Variants in PSMA4 observed in about 807,000 individuals in gnomAD.
PSMA4 encodes the protein proteasome 20S subunit alpha 4.
Under a neutral mutation model 37.2 loss-of-function variants are expected in PSMA4, and 8 were observed. The observed-to-expected ratio is 0.22, with a 90% CI of 0.13 to 0.39. The LOEUF is 0.39. Ranked by LOEUF, PSMA4 falls within the 10% of genes least tolerant of loss-of-function variation. The pLI is 1.00. For synonymous variants in PSMA4, 93 were observed against 98.8 expected, an observed-to-expected ratio of 0.94 and a Z score of 0.35; for missense variants, 169 against 305.1, an observed-to-expected ratio of 0.55 and a Z score of 3.32.
chr15:78,545,872 T>TA, intron 7 of PSMA4, 108 bp downstream of exon 7: 1 of 1,168,106 alleles, frequency 8.6e-7, no homozygotes, highest in Non-Finnish European at 1.2e-6. Context: ...GCAACAACCT[T>TA]AATGTGATAT....
chr15:78,543,041 C>T (rs2052482898), intron 4 of PSMA4, among the ~76,000 whole-genome samples: 1 of 152,096 alleles, frequency 6.6e-6, no homozygotes, highest in Admixed American at 6.6e-5. Context: ...ATTTAGTAGG[C>T]CCTCAAAGTA....
intron 1 of PSMA4, chr15:78,541,669 C>T (rs1157580116): frequency 8.1e-6 from 4 of 493,744 alleles, no homozygotes; most frequent in African/African-American, 6.1e-5. Flanking sequence ...CCTTTTCCCA[C>T]CCTACCCCCG....
chr15:78,546,471 A>T, intron 7 of PSMA4, 104 bp from the exon 8 acceptor site: 5 of 1,023,604 alleles, frequency 4.9e-6, no homozygotes, highest in Non-Finnish European at 5.5e-6. Flanking sequence ...AAAATTGTTT[A>T]TACTTGTAAT....
chr15:78,544,824 T>C, intron 5 of PSMA4, 45 bp from the exon 6 acceptor site: 1 of 1,313,996 alleles, frequency 7.6e-7, no homozygotes, highest in Non-Finnish European at 1.1e-6. Context: ...AGAGTCTGTC[T>C]GTGTTTTAGA....
intron 2 of PSMA4, 106 bp from the exon 3 acceptor site, chr15:78,542,071 A>G (rs1054982755): frequency 1.0e-5 from 15 of 1,458,882 alleles, no homozygotes; most frequent in East Asian, 9.1e-5. Context: ...CCTCTCACCT[A>G]TTGAACTTTG....
At chr15:78,544,150 ATCT>A (rs760983199) in intron 4 of PSMA4, 37 bp from the exon 5 acceptor site, 2 of 1,485,070 alleles carry the variant, frequency 1.3e-6, no homozygotes, top group Non-Finnish European at 1.9e-6. Flanking sequence ...CCTTGCAAGC[ATCT>A]TCCCTGCTTA....
chr15:78,547,349 T>C (rs987151813), intron 8 of PSMA4, among the ~76,000 whole-genome samples: 7 of 152,210 alleles, frequency 4.6e-5, no homozygotes, highest in Non-Finnish European at 7.4e-5. Context: ...TATCTTTGCT[T>C]GTGTGTATAT....
chr15:78,540,415 C>T (rs1292348963), upstream of PSMA4: 1 of 152,392 alleles, frequency 6.6e-6, no homozygotes, highest in African/African-American at 2.4e-5. Flanking sequence ...CCCGCCCCAA[C>T]CCAGCGGTTC....
intron 7 of PSMA4, among the ~76,000 whole-genome samples, chr15:78,546,339 G>A (rs1007028989): frequency 2.0e-5 from 3 of 151,956 alleles, no homozygotes; most frequent in African/African-American, 7.3e-5. Context: ...AGCTACCCAG[G>A]AGGCCAAGGT....
At chr15:78,542,346 C>A in intron 3 of PSMA4, 127 bp downstream of exon 3, 1 of 1,387,416 alleles carries the variant, frequency 7.2e-7, no homozygotes, top group South Asian at 1.3e-5. Flanking sequence ...AAGCAATTAT[C>A]ATCACCAGGT....
chr15:78,543,292 A>G (rs1455530053), intron 4 of PSMA4, among the ~76,000 whole-genome samples: 1 of 152,174 alleles, frequency 6.6e-6, no homozygotes, highest in East Asian at 1.9e-4. Context: ...AAACTTGTCC[A>G]AAGTGGTGTC....
Position 78,549,120 on chromosome 15 carries a change from G to C in PSMA4, c.*176G>C. The C allele has an allele frequency of 1.0e-6, 1 of 988,576 alleles. No individual in the cohort carries two copies. Among genetic ancestry groups the C allele is most frequent in the Non-Finnish European group, 1.3e-6 (1 of 759,646 alleles). The allele number at this position is 988,576 out of a possible 1,614,324, so 61.2% of individuals were successfully genotyped here. A position where few individuals can be genotyped will look rare whatever the true frequency, so the allele number is the denominator to read the frequency against. On this transcript the variant is annotated 3_prime_UTR_variant, in exon 9 of 9. Coordinates refer to ENST00000044462, the MANE Select transcript of PSMA4 (RefSeq NM_002789.6). The stretch of plus-strand genomic sequence containing the variant: ...TTGAATACTTTATTGTAACGATGAT[G>C]GTTACCCTTCATGGACGTCTTAATC...
In PSMA4 at chr15:78,552,100, G is replaced by C. The variant is rs2052651371; in HGVS notation, c.*3156G>C. ...TCTCACGCTAGCCCCACTTTCGTCT[G>C]CTCTGTGGCATATTTTTAACCTGAG... On this transcript the variant is annotated 3_prime_UTR_variant, in exon 9 of 9. Coordinates refer to ENST00000044462, the MANE Select transcript of PSMA4 (RefSeq NM_002789.6). 6.6e-6 allele frequency: 1 copy of C among 152,136 alleles called. No individual in the cohort carries two copies. 9.4% of individuals were successfully genotyped at this position (152,136 alleles called of 1,614,324 possible). A position where few individuals can be genotyped will look rare whatever the true frequency, so the allele number is the denominator to read the frequency against.
At chr15:78,541,973 G>A in intron 2 of PSMA4, 43 bp downstream of exon 2, 1 of 1,582,736 alleles carries the variant, frequency 6.3e-7, no homozygotes, top group South Asian at 1.1e-5. Context: ...CTGATAAACA[G>A]TATTGCTTGT....
At chr15:78,547,557 C>A (rs552676146) in intron 8 of PSMA4, among the ~76,000 whole-genome samples, 6 of 152,078 alleles carry the variant, frequency 3.9e-5, no homozygotes, top group African/African-American at 1.4e-4. Flanking sequence ...ATATTTCAGT[C>A]GAGCTTGGTG....
intron 4 of PSMA4, chr15:78,543,712 G>A (rs1345184702): frequency 6.5e-6 from 1 of 154,142 alleles, no homozygotes; most frequent in Admixed American, 6.5e-5. Flanking sequence ...GGGACTATAG[G>A]TGCGCACCAC....
At chr15:78,541,652 C>A (rs1179089795) in intron 1 of PSMA4, 1 of 468,058 alleles carries the variant, frequency 2.1e-6, no homozygotes, top group South Asian at 2.5e-5. Flanking sequence ...TTGATTCTTT[C>A]ATCATCCCTT....
At chr15:78,548,099 G>T (rs1394821281) in intron 8 of PSMA4, among the ~76,000 whole-genome samples, 2 of 152,026 alleles carry the variant, frequency 1.3e-5, no homozygotes, top group African/African-American at 4.8e-5. Context: ...GGGCGTGGTG[G>T]TGCGCACCTG....
chr15:78,543,271 G>A (rs1180440887), intron 4 of PSMA4, among the ~76,000 whole-genome samples: 28 of 152,186 alleles, frequency 1.8e-4, no homozygotes, highest in Non-Finnish European at 1.5e-5. Flanking sequence ...TGATTATCAG[G>A]GCCTTTTGAT....
Sources: gnomAD v4.1 joint callset for allele counts (sites outside exome capture counted in the v4.1 genomes callset) on GRCh38, gnomAD v4.1.1 for gene constraint, MANE v1.5 for transcripts, NCBI Gene and HGNC (gene_info 2026-07-23, HGNC 2026-07-21) for gene names.